Variants in LPP observed in about 807,000 individuals in gnomAD.
LPP encodes lipoma-preferred partner.
LPP carries 38 observed loss-of-function variants against 60.4 expected under a neutral mutation model. The observed-to-expected ratio is 0.63, with a 90% CI of 0.49 to 0.83. The LOEUF (loss-of-function observed/expected upper bound fraction) is 0.83, where lower values mean the gene tolerates loss of function less well. LPP is among the 40% of genes least tolerant of loss of function. LPP has a pLI of 0.00. For missense variants in LPP, 902 were observed against 783.6 expected, an observed-to-expected ratio of 1.15 and a Z score of -1.80; for synonymous variants, 328 against 290.8, an observed-to-expected ratio of 1.13 and a Z score of -1.30.
chr3:188,408,068 G>A (rs566844947), intron 4 of LPP, among the ~76,000 whole-genome samples: 136 of 152,204 alleles, frequency 8.9e-4, no homozygotes, highest in African/African-American at 3.2e-3. Flanking sequence ...GATTACAGGC[G>A]TGAGCCACCG....
At chr3:188,398,481 G>A (rs1781484319) in intron 3 of LPP, among the ~76,000 whole-genome samples, 1 of 152,220 alleles carries the variant, frequency 6.6e-6, no homozygotes, top group Admixed American at 6.5e-5. Context: ...CCTCTTCTGA[G>A]CAATGCCAGC....
chr3:188,836,247 T>C (rs1465680847), intron 9 of LPP, among the ~76,000 whole-genome samples: 1 of 152,254 alleles, frequency 6.6e-6, no homozygotes, highest in African/African-American at 2.4e-5. Context: ...AACTCTTTGA[T>C]GTTGTCTTTT....
At chr3:188,259,519 A>G (rs1346116563) in intron 2 of LPP, among the ~76,000 whole-genome samples, 1 of 152,210 alleles carries the variant, frequency 6.6e-6, no homozygotes, top group Non-Finnish European at 1.5e-5. Context: ...TTGAGCAGGA[A>G]CACTTGTAGA....
At chr3:188,207,419 A>T (rs1577296643) in intron 1 of LPP, among the ~76,000 whole-genome samples, 1 of 151,448 alleles carries the variant, frequency 6.6e-6, no homozygotes. Context: ...TTTAGTAGAG[A>T]TGGGGTTTCA....
chr3:188,449,357 C>T (rs1417047511), intron 4 of LPP, among the ~76,000 whole-genome samples: 1 of 152,158 alleles, frequency 6.6e-6, no homozygotes, highest in Non-Finnish European at 1.5e-5. Context: ...CTCACAGAAG[C>T]CTAACGGGCT....
chr3:188,263,107 C>T (rs1453079297), intron 2 of LPP, among the ~76,000 whole-genome samples: 1 of 152,140 alleles, frequency 6.6e-6, no homozygotes, highest in Non-Finnish European at 1.5e-5. Context: ...GCAGCCATGC[C>T]ATCCCTCCAT....
chr3:188,863,133 T>C (rs1167152366), intron 9 of LPP, among the ~76,000 whole-genome samples: 2 of 152,198 alleles, frequency 1.3e-5, no homozygotes, highest in East Asian at 1.9e-4. Context: ...CAGTTGTTTT[T>C]GTATATTTCT....
At chr3:188,515,747 G>A (rs1024063673) in intron 5 of LPP, among the ~76,000 whole-genome samples, 2 of 152,074 alleles carry the variant, frequency 1.3e-5, no homozygotes, top group African/African-American at 4.8e-5. Flanking sequence ...GTTTAGGCCT[G>A]GTTTTGCATA....
At chr3:188,289,597 A>G (rs1208917624) in intron 2 of LPP, among the ~76,000 whole-genome samples, 1 of 152,174 alleles carries the variant, frequency 6.6e-6, no homozygotes, top group Non-Finnish European at 1.5e-5. Flanking sequence ...CAAGTCATTC[A>G]GCTGGTAAGT....
At chr3:188,800,147 C>A (rs1560220250) in intron 9 of LPP, among the ~76,000 whole-genome samples, 1 of 141,150 alleles carries the variant, frequency 7.1e-6, no homozygotes, top group Non-Finnish European at 1.5e-5. Flanking sequence ...TTAGTCATTT[C>A]TCTACTGATT....
chr3:188,413,296 C>T (rs910651596), intron 4 of LPP, among the ~76,000 whole-genome samples: 1 of 152,156 alleles, frequency 6.6e-6, no homozygotes, highest in Non-Finnish European at 1.5e-5. Flanking sequence ...CAAAGAGAAT[C>T]TTGCTCTGAC....
At chr3:188,598,959 T>G (rs1840525348) in intron 6 of LPP, among the ~76,000 whole-genome samples, 1 of 152,128 alleles carries the variant, frequency 6.6e-6, no homozygotes, top group African/African-American at 2.4e-5. Flanking sequence ...GAGAAAAGTG[T>G]CTGGTCCCTT....
chr3:188,722,620 A>T (rs1560115418), intron 8 of LPP, among the ~76,000 whole-genome samples: 1 of 152,222 alleles, frequency 6.6e-6, no homozygotes, highest in Non-Finnish European at 1.5e-5. Context: ...GAACTAACAT[A>T]TCCATGGACA....
intron 1 of LPP, among the ~76,000 whole-genome samples, chr3:188,213,594 G>T (rs574731496): frequency 6.6e-6 from 1 of 152,286 alleles, no homozygotes; most frequent in Non-Finnish European, 1.5e-5. Context: ...TTCCCGTTAG[G>T]ATATATGGGC....
At chr3:188,521,480 C>T (rs1818849954) in intron 5 of LPP, among the ~76,000 whole-genome samples, 1 of 152,096 alleles carries the variant, frequency 6.6e-6, no homozygotes, top group Non-Finnish European at 1.5e-5. Flanking sequence ...GTACTTTCTG[C>T]TTCAGTAAAG....
At chr3:188,248,086 T>C (rs1031986507) in intron 2 of LPP, among the ~76,000 whole-genome samples, 3 of 152,088 alleles carry the variant, frequency 2.0e-5, no homozygotes, top group African/African-American at 7.2e-5. Flanking sequence ...ATTTCTCTGA[T>C]GGTATCTTGC....
At chr3:188,427,483 A>G (rs1278156220) in intron 4 of LPP, among the ~76,000 whole-genome samples, 2 of 152,064 alleles carry the variant, frequency 1.3e-5, no homozygotes, top group Non-Finnish European at 2.9e-5. Context: ...GAATCTGACA[A>G]TTATGTATCT....
intron 2 of LPP, among the ~76,000 whole-genome samples, chr3:188,295,023 T>G (rs769132924): frequency 6.6e-6 from 1 of 152,226 alleles, no homozygotes; most frequent in Non-Finnish European, 1.5e-5. Context: ...TCAGGGTCAT[T>G]GTCCCACCTT....
chr3:188,529,244 G>A (rs1271112244), intron 6 of LPP, among the ~76,000 whole-genome samples: 4 of 152,162 alleles, frequency 2.6e-5, no homozygotes, highest in South Asian at 2.1e-4. Flanking sequence ...TATAGTAGAC[G>A]GTGTTGTGTT....
Sources: allele counts gnomAD v4.1 joint callset (sites outside exome capture counted in the v4.1 genomes callset), GRCh38; gene constraint gnomAD v4.1.1; transcripts MANE v1.5; gene names NCBI Gene and HGNC (gene_info 2026-07-23, HGNC 2026-07-21).